Variants in DNER observed in about 807,000 individuals in gnomAD.
DNER encodes delta/notch like EGF repeat containing.
Under a neutral mutation model 78.2 loss-of-function variants are expected in DNER, and 33 were observed. That is an observed-to-expected ratio of 0.42 (90% CI 0.32 to 0.56). The LOEUF (loss-of-function observed/expected upper bound fraction) is 0.56. DNER is among the 20% of genes least tolerant of loss of function. The pLI is 0.11. For synonymous variants in DNER, 417 were observed against 384.8 expected (o/e 1.08, Z -0.98); for missense variants, 918 against 975.3 (o/e 0.94, Z 0.78).
chr2:229,562,428 T>C (rs564586341), intron 4 of DNER, among the ~76,000 whole-genome samples: 2 of 152,298 alleles, frequency 1.3e-5, no homozygotes, highest in East Asian at 3.9e-4. Flanking sequence ...TCTGATTAAA[T>C]AGGGATATAT....
intron 7 of DNER, among the ~76,000 whole-genome samples, chr2:229,476,608 C>T (rs1436792948): frequency 1.3e-5 from 2 of 152,124 alleles, no homozygotes; most frequent in African/African-American, 4.8e-5. Context: ...AAAACTTCCT[C>T]AAATCACAAA....
chr2:229,690,207 A>G (rs560340191), intron 1 of DNER, among the ~76,000 whole-genome samples: 11 of 152,324 alleles, frequency 7.2e-5, no homozygotes, highest in African/African-American at 2.6e-4. Context: ...AGTAGGGCCC[A>G]GGGATTTGCA....
At chr2:229,414,717 A>G (rs1421956018) in intron 9 of DNER, among the ~76,000 whole-genome samples, 3 of 152,180 alleles carry the variant, frequency 2.0e-5, no homozygotes, top group African/African-American at 7.2e-5. Flanking sequence ...ACCCCTAGGG[A>G]GTCACACCCT....
At chr2:229,374,743 A>C (rs1430513709) in intron 11 of DNER, among the ~76,000 whole-genome samples, 1 of 152,202 alleles carries the variant, frequency 6.6e-6, no homozygotes, top group African/African-American at 2.4e-5. Context: ...AATGTTTTGC[A>C]AACTGTAGAT....
At chr2:229,515,472 A>C (rs761395685) in intron 5 of DNER, among the ~76,000 whole-genome samples, 1 of 152,170 alleles carries the variant, frequency 6.6e-6, no homozygotes, top group Non-Finnish European at 1.5e-5. Context: ...CTGTCTTCTA[A>C]AATTTACTTG....
chr2:229,494,653 A>G (rs1266440177), intron 6 of DNER, among the ~76,000 whole-genome samples: 2 of 152,212 alleles, frequency 1.3e-5, no homozygotes, highest in African/African-American at 2.4e-5. Context: ...TACCCTTAGA[A>G]ACAAAGGAGG....
intron 6 of DNER, among the ~76,000 whole-genome samples, chr2:229,493,386 G>C (rs1288598949): frequency 6.6e-6 from 1 of 152,110 alleles, no homozygotes; most frequent in Non-Finnish European, 1.5e-5. Context: ...AAATTAGAAG[G>C]CTTTTATAAA....
At chr2:229,598,789 G>A (rs1169304784) in intron 1 of DNER, among the ~76,000 whole-genome samples, 1 of 152,070 alleles carries the variant, frequency 6.6e-6, no homozygotes, top group Non-Finnish European at 1.5e-5. Context: ...CGTTGGCCCT[G>A]TTCTTCACAG....
chr2:229,681,427 C>T (rs529854090), intron 1 of DNER, among the ~76,000 whole-genome samples: 1 of 152,196 alleles, frequency 6.6e-6, no homozygotes, highest in African/African-American at 2.4e-5. Context: ...TCCCAGGTAA[C>T]CATCTACTTG....
chr2:229,589,735 G>A (rs567502530), intron 2 of DNER, among the ~76,000 whole-genome samples: 1 of 152,096 alleles, frequency 6.6e-6, no homozygotes, highest in Non-Finnish European at 1.5e-5. Flanking sequence ...TGATAAACTT[G>A]AATCAAATCT....
At position 229,537,953 on chromosome 2, in the gene DNER, C is replaced by T. The variant is rs185168472; in HGVS notation, c.993+8994G>A. Among the ~76,000 whole-genome samples, 393 of 152,224 alleles carry T rather than the reference C, an allele frequency of 2.6e-3. 5 individuals are homozygous for T. In the South Asian group the frequency reaches 0.036, roughly 14 times the overall value. ...TGCAGGCGATGATACAATCATCCTT[C>T]TGTTCTGTAACGTAAAATGCAGCAA... On this transcript the variant is annotated intron_variant, in intron 5 of 12. Coordinates refer to ENST00000341772, the MANE Select transcript of DNER (RefSeq NM_139072.4).
At chr2:229,407,192 T>C (rs1442265204) in intron 10 of DNER, 40 bp downstream of exon 10, 8 of 1,567,706 alleles carry the variant, frequency 5.1e-6, no homozygotes, top group Non-Finnish European at 7.0e-6. Context: ...CTCGGGCACT[T>C]TGTGGTAAAT....
At chr2:229,547,710 CA>C (rs1464619283) in intron 4 of DNER, among the ~76,000 whole-genome samples, 1 of 152,220 alleles carries the variant, frequency 6.6e-6, no homozygotes, top group Non-Finnish European at 1.5e-5. Context: ...CAAGTTAAGC[CA>C]TACAGTTTTA....
chr2:229,605,965 C>T (rs142875590), intron 1 of DNER, among the ~76,000 whole-genome samples: 286 of 152,244 alleles, frequency 1.9e-3, no homozygotes, highest in African/African-American at 6.3e-3. Flanking sequence ...ACAGAAACTT[C>T]GATGGAAAAT....
intron 5 of DNER, among the ~76,000 whole-genome samples, chr2:229,535,477 C>A (rs574650588): frequency 2.6e-5 from 4 of 152,226 alleles, no homozygotes; most frequent in Non-Finnish European, 5.9e-5. Flanking sequence ...CAAATCCAAC[C>A]CTGCCTGCCA....
At chr2:229,509,305 A>G (rs1416430639) in intron 6 of DNER, among the ~76,000 whole-genome samples, 1 of 152,246 alleles carries the variant, frequency 6.6e-6, no homozygotes, top group Non-Finnish European at 1.5e-5. Context: ...AAGGATCTTT[A>G]TTTAACATTA....
intron 4 of DNER, among the ~76,000 whole-genome samples, chr2:229,558,898 T>A (rs535628360): frequency 7.2e-5 from 11 of 152,276 alleles, no homozygotes; most frequent in South Asian, 2.1e-4. Flanking sequence ...TCACAACCGG[T>A]CTCATGAACC....
chr2:229,478,965 C>T (rs972124790), intron 6 of DNER, among the ~76,000 whole-genome samples: 1 of 152,094 alleles, frequency 6.6e-6, no homozygotes, highest in Non-Finnish European at 1.5e-5. Flanking sequence ...TCTCCTTCCC[C>T]AAACCCCCAC....
intron 1 of DNER, among the ~76,000 whole-genome samples, chr2:229,622,958 A>G (rs1228118291): frequency 2.6e-5 from 4 of 152,206 alleles, no homozygotes; most frequent in African/African-American, 9.7e-5. Context: ...AGTTTGTGGC[A>G]CTTTGCACAG....
Sources: gnomAD v4.1 joint callset for allele counts (sites outside exome capture counted in the v4.1 genomes callset) on GRCh38, gnomAD v4.1.1 for gene constraint, MANE v1.5 for transcripts, NCBI Gene and HGNC (gene_info 2026-07-23, HGNC 2026-07-21) for gene names.